Variants in DNAI1 observed in about 807,000 individuals in gnomAD.
DNAI1 encodes dynein, axonemal, intermediate polypeptide 1.
DNAI1 carries 67 observed loss-of-function variants against 92.0 expected under a neutral mutation model. The ratio of observed to expected loss-of-function variants is 0.73; its 90% CI spans 0.60 to 0.89. DNAI1 has a LOEUF of 0.89. Ranked by LOEUF, DNAI1 falls within the 40% of genes least tolerant of loss-of-function variation. The probability of loss-of-function intolerance (pLI) is 0.00; values close to 1 mark genes in which losing one functional copy is unlikely to be tolerated. For missense variants in DNAI1, 839 were observed against 866.6 expected (o/e 0.97, Z 0.40); for synonymous variants, 323 against 319.6 (o/e 1.01, Z -0.11).
In DNAI1 at chr9:34,491,489, C is replaced by G. The variant is rs1416045438; in HGVS notation, c.622-6C>G. 6.2e-7 allele frequency: 1 copy of G among 1,614,146 alleles called. No individual in the cohort carries two copies. The highest frequency in any genetic ancestry group is 8.5e-7 in the Non-Finnish European group (1 of 1,180,026). Reference sequence around the variant, plus strand: ...TTTGTGGGTCTCCTGTTGTCTTGTTCTTTAGGATCGAGAATGCCAGACGGA... The same window carrying G: ...TTTGTGGGTCTCCTGTTGTCTTGTTGTTTAGGATCGAGAATGCCAGACGGA... On this transcript the variant is annotated splice_region_variant and splice_polypyrimidine_tract_variant and intron_variant, in intron 7 of 19. Transcript: ENST00000242317.
intron 12 of DNAI1, among the ~76,000 whole-genome samples, chr9:34,502,422 G>C (rs1824848997): frequency 6.6e-6 from 1 of 152,140 alleles, no homozygotes. Flanking sequence ...AGTGGGTGTG[G>C]ACCCCCCTGT....
chr9:34,479,506 A>G (rs1290475696), intron 1 of DNAI1, among the ~76,000 whole-genome samples: 1 of 152,208 alleles, frequency 6.6e-6, no homozygotes, highest in Non-Finnish European at 1.5e-5. Flanking sequence ...ACTGCCAAAA[A>G]CAATTACACT....
intron 1 of DNAI1, among the ~76,000 whole-genome samples, chr9:34,477,579 A>C (rs1824262543): frequency 6.6e-6 from 1 of 152,210 alleles, no homozygotes; most frequent in Admixed American, 6.5e-5. Context: ...GGCAAAAGAT[A>C]GTAAGGGCCT....
chr9:34,460,141 C>G (rs1334637274), intron 1 of DNAI1, among the ~76,000 whole-genome samples: 1 of 152,306 alleles, frequency 6.6e-6, no homozygotes, highest in South Asian at 2.1e-4. Flanking sequence ...ACAGGAAACC[C>G]GAGTCATCCC....
chr9:34,506,664 C>G lies in DNAI1; in HGVS notation c.1101C>G (p.Leu367=), dbSNP rs768631309. 3 of 1,614,206 alleles carry G rather than the reference C, an allele frequency of 1.9e-6. No individual in the cohort carries two copies. The highest frequency in any genetic ancestry group is 1.1e-5 in the South Asian group (1 of 91,076). The part of the protein sequence containing the change: ...FMKQSRGMLL[L]YSLKNPSFPE... ...AGCAGAGCCGGGGCATGCTGCTGCT[C>G]TACAGCCTGAAGAACCCCAGCTTCC... Residue 367 remains leucine, a synonymous_variant, in exon 13 of 20, where the codon CTC becomes CTG. Transcript: ENST00000242317.
At chr9:34,510,749 G>A (rs1277518816) in intron 13 of DNAI1, among the ~76,000 whole-genome samples, 3 of 152,068 alleles carry the variant, frequency 2.0e-5, no homozygotes, top group African/African-American at 7.2e-5. Flanking sequence ...GCTCCCTAGC[G>A]CCTCTTACAG....
At chr9:34,516,084 G>C (rs760785346) in intron 18 of DNAI1, among the ~76,000 whole-genome samples, 9 of 152,226 alleles carry the variant, frequency 5.9e-5, no homozygotes, top group Non-Finnish European at 1.3e-4. Context: ...CGCACGCTGA[G>C]AGTTGACTGG....
intron 1 of DNAI1, among the ~76,000 whole-genome samples, chr9:34,472,529 A>T (rs893770265): frequency 6.6e-6 from 1 of 152,190 alleles, no homozygotes; most frequent in Non-Finnish European, 1.5e-5. Flanking sequence ...CACTGCATTC[A>T]TAGGAAAGAA....
chr9:34,474,922 G>T (rs969370462), intron 1 of DNAI1, among the ~76,000 whole-genome samples: 9 of 152,080 alleles, frequency 5.9e-5, no homozygotes, highest in Non-Finnish European at 8.8e-5. Flanking sequence ...GAGTTGAGGG[G>T]TATATGCATT....
At chr9:34,519,341 T>C (rs1825224245) in intron 19 of DNAI1, among the ~76,000 whole-genome samples, 1 of 152,030 alleles carries the variant, frequency 6.6e-6, no homozygotes, top group East Asian at 1.9e-4. Context: ...AACTACAGGA[T>C]AGATGGGAAA....
At chr9:34,461,661 C>T (rs1029621501) in intron 1 of DNAI1, among the ~76,000 whole-genome samples, 24 of 152,162 alleles carry the variant, frequency 1.6e-4, no homozygotes, top group East Asian at 1.9e-4. Flanking sequence ...CAACTGGCCC[C>T]GTACACATCA....
At chr9:34,476,687 G>A (rs1308004621) in intron 1 of DNAI1, among the ~76,000 whole-genome samples, 1 of 152,194 alleles carries the variant, frequency 6.6e-6, no homozygotes, top group Non-Finnish European at 1.5e-5. Context: ...TGAGGGAAGG[G>A]AGAAGGATGC....
At chr9:34,495,858 G>C (rs555244844) in intron 9 of DNAI1, among the ~76,000 whole-genome samples, 4 of 152,274 alleles carry the variant, frequency 2.6e-5, no homozygotes, top group Admixed American at 2.0e-4. Context: ...AATAGAGAGC[G>C]TAGCTGGAAC....
intron 12 of DNAI1, among the ~76,000 whole-genome samples, chr9:34,501,501 C>G (rs1332743589): frequency 6.6e-6 from 1 of 152,200 alleles, no homozygotes; most frequent in Non-Finnish European, 1.5e-5. Flanking sequence ...GCTGGGGGGG[C>G]CAGGGTCAGC....
At chr9:34,497,228 T>A (rs1824744192) in intron 10 of DNAI1, 29 bp downstream of exon 10, 10 of 1,557,088 alleles carry the variant, frequency 6.4e-6, no homozygotes, top group African/African-American at 4.1e-5. Flanking sequence ...GCAACCACTA[T>A]TATTGCCTGT....
intron 1 of DNAI1, among the ~76,000 whole-genome samples, chr9:34,461,707 A>G (rs1335416919): frequency 6.6e-6 from 1 of 152,204 alleles, no homozygotes; most frequent in South Asian, 2.1e-4. Context: ...GTTTTAGTTC[A>G]GAGTAAATAT....
chr9:34,466,672 C>T (rs558481581), intron 1 of DNAI1, among the ~76,000 whole-genome samples: 1 of 152,324 alleles, frequency 6.6e-6, no homozygotes, highest in African/African-American at 2.4e-5. Flanking sequence ...ATTATAAGTA[C>T]ATAGATAACC....
At chr9:34,475,221 G>C (rs1011442287) in intron 1 of DNAI1, among the ~76,000 whole-genome samples, 58 of 152,166 alleles carry the variant, frequency 3.8e-4, no homozygotes, top group African/African-American at 1.4e-3. Flanking sequence ...ACGGCAAGCT[G>C]GTGAGGTATT....
intron 12 of DNAI1, among the ~76,000 whole-genome samples, chr9:34,503,993 T>C (rs919613684): frequency 1.3e-5 from 2 of 152,178 alleles, no homozygotes; most frequent in Admixed American, 1.3e-4. Context: ...AGCCAATTCA[T>C]AGCAGGGAAA....
Sources: gnomAD v4.1 joint callset for allele counts (sites outside exome capture counted in the v4.1 genomes callset) on GRCh38, gnomAD v4.1.1 for gene constraint, MANE v1.5 for transcripts, NCBI Gene and HGNC (gene_info 2026-07-23, HGNC 2026-07-21) for gene names.